PTPRD: variants seen among roughly 807,000 people sequenced by gnomAD.
The protein encoded by PTPRD is protein tyrosine phosphatase receptor type D.
Under a neutral mutation model 214.5 loss-of-function variants are expected in PTPRD, and 34 were observed. The ratio of observed to expected loss-of-function variants is 0.16; its 90% confidence interval spans 0.12 to 0.21. The LOEUF (loss-of-function observed/expected upper bound fraction) is 0.21. Among genes scored for constraint, PTPRD ranks in the 10% least tolerant of loss-of-function variants. The probability of loss-of-function intolerance (pLI) is 1.00; values close to 1 mark genes in which losing one functional copy is unlikely to be tolerated. For synonymous variants in PTPRD, 1,128 were observed against 845.7 expected (o/e 1.33, Z -5.79); for missense variants, 2,545 against 2,398.7 (o/e 1.06, Z -1.27).
chr9:8,795,330 A>AT (rs1342900221), intron 11 of PTPRD, among the ~76,000 whole-genome samples: 1 of 151,668 alleles, frequency 6.6e-6, no homozygotes, highest in Non-Finnish European at 1.5e-5. Flanking sequence ...CTCCCAGATA[A>AT]TTTTTTTCTA....
intron 10 of PTPRD, among the ~76,000 whole-genome samples, chr9:9,152,147 G>C (rs2099877361): frequency 1.3e-5 from 2 of 152,138 alleles, no homozygotes; most frequent in Admixed American, 6.5e-5. Context: ...GTTCACCCTT[G>C]CACATTTGCA....
intron 44 of PTPRD, among the ~76,000 whole-genome samples, chr9:8,329,566 A>C (rs1157093201): frequency 6.6e-6 from 1 of 152,142 alleles, no homozygotes; most frequent in Non-Finnish European, 1.5e-5. Context: ...TGCTGCGCTC[A>C]TCAGAGCTGC....
chr9:9,660,250 G>C, intron 7 of PTPRD, among the ~76,000 whole-genome samples: 1 of 151,970 alleles, frequency 6.6e-6, no homozygotes, highest in East Asian at 1.9e-4. Context: ...GAAGCCTTTG[G>C]AGGTTGAGAG....
intron 2 of PTPRD, among the ~76,000 whole-genome samples, chr9:10,461,925 C>T (rs2098962047): frequency 6.6e-6 from 1 of 151,958 alleles, no homozygotes; most frequent in Non-Finnish European, 1.5e-5. Flanking sequence ...CCCGGTCTAT[C>T]TTGCTTGTAT....
chr9:9,350,794 T>C (rs1228231283), intron 9 of PTPRD, among the ~76,000 whole-genome samples: 2 of 152,092 alleles, frequency 1.3e-5, no homozygotes, highest in Non-Finnish European at 2.9e-5. Context: ...CAGACATTAT[T>C]AACTTAAATA....
intron 12 of PTPRD, among the ~76,000 whole-genome samples, chr9:8,649,295 G>A (rs946196354): frequency 1.3e-5 from 2 of 152,230 alleles, no homozygotes; most frequent in African/African-American, 4.8e-5. Flanking sequence ...AAGGCTTTGA[G>A]CCAATATGAA....
In PTPRD at chr9:8,797,857, AAATTT is replaced by A. The variant is rs374311318; in HGVS notation, c.-103-63916_-103-63912del. Among the ~76,000 whole-genome samples the A allele has an allele frequency of 6.5e-3, 967 of 148,256 alleles. 5 individuals are homozygous for A. The highest frequency in any genetic ancestry group is 0.011 in the Non-Finnish European group (738 of 67,728). On this transcript the variant is annotated intron_variant, in intron 11 of 45. Transcript: ENST00000381196. ...AGAACAGGACAGACTCTCAGAAAAT[AAATTT>A]AACAGAATTTTTTTTTTTTTTCATT... is the stretch of plus-strand genomic sequence containing the variant.
chr9:9,882,337 T>A (rs910742430), intron 5 of PTPRD, among the ~76,000 whole-genome samples: 3 of 152,078 alleles, frequency 2.0e-5, no homozygotes, highest in African/African-American at 7.2e-5. Flanking sequence ...GGTTTTCCCA[T>A]CATTTTTGCT....
intron 12 of PTPRD, among the ~76,000 whole-genome samples, chr9:8,656,244 G>C (rs2096907009): frequency 6.6e-6 from 1 of 152,106 alleles, no homozygotes; most frequent in Non-Finnish European, 1.5e-5. Context: ...TCCTCCAGAT[G>C]ATCTTTTAGC....
At chr9:9,101,633 C>T (rs899081046) in intron 10 of PTPRD, among the ~76,000 whole-genome samples, 3 of 152,218 alleles carry the variant, frequency 2.0e-5, no homozygotes, top group Non-Finnish European at 4.4e-5. Flanking sequence ...AATTCTCAAG[C>T]GTTAAAAACC....
intron 11 of PTPRD, among the ~76,000 whole-genome samples, chr9:8,942,311 T>A (rs75980792): frequency 6.6e-6 from 1 of 152,196 alleles, no homozygotes; most frequent in Non-Finnish European, 1.5e-5. Context: ...TAAGCTGTTC[T>A]AAAATAAAAA....
intron 9 of PTPRD, among the ~76,000 whole-genome samples, chr9:9,229,651 C>T (rs2099961835): frequency 6.6e-6 from 1 of 152,046 alleles, no homozygotes; most frequent in South Asian, 2.1e-4. Context: ...AAACAACTCC[C>T]CAAAATCAAA....
At chr9:8,784,644 AT>A (rs2095865463) in intron 11 of PTPRD, among the ~76,000 whole-genome samples, 4 of 67,626 alleles carry the variant, frequency 5.9e-5, no homozygotes, top group Non-Finnish European at 1.5e-4. Context: ...AAGAGCTCTT[AT>A]CTCATGTTTT....
intron 10 of PTPRD, among the ~76,000 whole-genome samples, chr9:9,135,300 C>T (rs1476195942): frequency 6.6e-6 from 1 of 152,274 alleles, no homozygotes; most frequent in East Asian, 1.9e-4. Flanking sequence ...AAAATACATT[C>T]AATATCTCTT....
intron 9 of PTPRD, among the ~76,000 whole-genome samples, chr9:9,288,487 C>A (rs1950186222): frequency 6.6e-6 from 1 of 151,734 alleles, no homozygotes; most frequent in Admixed American, 6.6e-5. Context: ...AGCACTTGGC[C>A]TTTAACGTGG....
intron 11 of PTPRD, among the ~76,000 whole-genome samples, chr9:8,751,936 T>C (rs529007850): frequency 4.6e-5 from 7 of 152,332 alleles, no homozygotes; most frequent in Non-Finnish European, 1.0e-4. Flanking sequence ...TGGATTGACC[T>C]TTCTACATGC....
At chr9:9,154,763 T>C (rs930663763) in intron 10 of PTPRD, among the ~76,000 whole-genome samples, 2 of 152,148 alleles carry the variant, frequency 1.3e-5, no homozygotes, top group African/African-American at 4.8e-5. Context: ...AAGAGTGTAA[T>C]CTGGTGTAGG....
At chr9:9,267,295 T>C (rs535558097) in intron 9 of PTPRD, among the ~76,000 whole-genome samples, 2 of 151,374 alleles carry the variant, frequency 1.3e-5, no homozygotes, top group South Asian at 4.2e-4. Context: ...AACAAATTGG[T>C]AACCTAGCAT....
chr9:10,608,255 T>C (rs1178513914), intron 2 of PTPRD, among the ~76,000 whole-genome samples: 2 of 152,046 alleles, frequency 1.3e-5, no homozygotes, highest in African/African-American at 4.8e-5. Flanking sequence ...ACTTATTTTC[T>C]TCTCATATCC....
Sources: allele counts gnomAD v4.1 joint callset (sites outside exome capture counted in the v4.1 genomes callset), GRCh38; gene constraint gnomAD v4.1.1; transcripts MANE v1.5; gene names NCBI Gene and HGNC (gene_info 2026-07-23, HGNC 2026-07-21).